Variants in SORCS3 observed in about 807,000 individuals in gnomAD.
SORCS3 encodes the protein VPS10 domain-containing receptor SorCS3.
Under a neutral mutation model 146.3 loss-of-function variants are expected in SORCS3, and 57 were observed. The observed-to-expected ratio is 0.39, with a 90% CI of 0.31 to 0.49. SORCS3 has a LOEUF of 0.49. Among genes scored for constraint, SORCS3 ranks in the 20% least tolerant of loss-of-function variants. The pLI is 0.92. For missense variants in SORCS3, 1,341 were observed against 1,575.5 expected (o/e 0.85, Z 2.52); for synonymous variants, 653 against 618.5 (o/e 1.06, Z -0.83).
At chr10:104,894,588 C>T (rs958775675) in intron 2 of SORCS3, among the ~76,000 whole-genome samples, 10 of 152,244 alleles carry the variant, frequency 6.6e-5, no homozygotes, top group Non-Finnish European at 1.3e-4. Context: ...TGGCAGGCAG[C>T]TGATCATGTT....
intron 1 of SORCS3, among the ~76,000 whole-genome samples, chr10:104,823,574 C>A (rs371548568): frequency 1.3e-5 from 2 of 152,172 alleles, no homozygotes; most frequent in East Asian, 3.9e-4. Context: ...TTCATCTTCA[C>A]TGATCCACCC....
intron 5 of SORCS3, among the ~76,000 whole-genome samples, chr10:105,049,192 T>C (rs528202085): frequency 7.5e-4 from 114 of 152,248 alleles, no homozygotes; most frequent in African/African-American, 2.0e-3. Flanking sequence ...AGCTTTTTAC[T>C]GAACCTTTTC....
intron 1 of SORCS3, among the ~76,000 whole-genome samples, chr10:104,799,523 A>G (rs1258242476): frequency 1.3e-5 from 2 of 151,952 alleles, no homozygotes; most frequent in African/African-American, 4.8e-5. Flanking sequence ...GGAGGGGAAC[A>G]TCACACACCA....
At chr10:105,251,377 C>G (rs7078768) in intron 22 of SORCS3, among the ~76,000 whole-genome samples, 33,985 of 152,012 alleles carry the variant, frequency 0.22, 3,836 homozygotes, top group South Asian at 0.3. Context: ...CCTGGGGATT[C>G]TGGGGATTAC....
chr10:104,772,577 T>C (rs2017264257), intron 1 of SORCS3, among the ~76,000 whole-genome samples: 1 of 152,226 alleles, frequency 6.6e-6, no homozygotes, highest in Non-Finnish European at 1.5e-5. Flanking sequence ...GATTCACTTA[T>C]TGTCTCACAT....
At chr10:105,191,962 G>A (rs2056519751) in intron 14 of SORCS3, among the ~76,000 whole-genome samples, 1 of 152,114 alleles carries the variant, frequency 6.6e-6, no homozygotes, top group Non-Finnish European at 1.5e-5. Flanking sequence ...TCAAAGAGCT[G>A]ATTATCATTG....
chr10:105,028,812 T>G (rs1417412344), intron 4 of SORCS3, among the ~76,000 whole-genome samples: 1 of 152,096 alleles, frequency 6.6e-6, no homozygotes, highest in Non-Finnish European at 1.5e-5. Flanking sequence ...GTGTTAGAGG[T>G]CAAAGAGATG....
intron 1 of SORCS3, among the ~76,000 whole-genome samples, chr10:104,813,090 C>T (rs2017757519): frequency 6.6e-6 from 1 of 152,186 alleles, no homozygotes; most frequent in Non-Finnish European, 1.5e-5. Flanking sequence ...TTTTCAACTT[C>T]ATCTCAGATT....
intron 1 of SORCS3, among the ~76,000 whole-genome samples, chr10:104,696,153 T>TATATACACATATAATAATATATATC (rs2016182116): frequency 1.1e-5 from 1 of 89,106 alleles, no homozygotes; most frequent in African/African-American, 4.6e-5. Context: ...ATATATAATA[T>TATATACACATATAATAATATATATC]ATATACACAT....
intron 2 of SORCS3, among the ~76,000 whole-genome samples, chr10:104,878,462 CAAG>C (rs1564704211): frequency 6.6e-6 from 1 of 152,056 alleles, no homozygotes; most frequent in Non-Finnish European, 1.5e-5. Context: ...ACTTGATGTT[CAAG>C]AAGATTTACT....
chr10:104,956,138 T>C (rs1391966057), intron 3 of SORCS3, among the ~76,000 whole-genome samples: 1 of 152,206 alleles, frequency 6.6e-6, no homozygotes. Context: ...ATTTAGGTGA[T>C]TCCTTTCAGG....
chr10:104,751,946 T>TATATAA (rs1247993381), intron 1 of SORCS3, among the ~76,000 whole-genome samples: 1 of 114,996 alleles, frequency 8.7e-6, no homozygotes, highest in Non-Finnish European at 1.7e-5. Flanking sequence ...TATATATATA[T>TATATAA]ATATATATAT....
chr10:104,950,416 T>G (rs7096635), intron 3 of SORCS3, among the ~76,000 whole-genome samples: 4 of 151,892 alleles, frequency 2.6e-5, no homozygotes, highest in Non-Finnish European at 5.9e-5. Flanking sequence ...TCTCTGAAAA[T>G]TGTGGTTAAT....
chr10:105,167,066 CAGTT>C (rs1322547632), intron 12 of SORCS3, among the ~76,000 whole-genome samples, 188 bp from the exon 13 acceptor site: 4 of 152,098 alleles, frequency 2.6e-5, no homozygotes, highest in Non-Finnish European at 5.9e-5. Flanking sequence ...GGCCTAGGGA[CAGTT>C]ATTTGTTTTC....
intron 1 of SORCS3, among the ~76,000 whole-genome samples, chr10:104,808,242 T>A (rs1343762706): frequency 3.3e-5 from 5 of 152,190 alleles, no homozygotes; most frequent in Admixed American, 3.3e-4. Context: ...TCAGAGTGGA[T>A]CTTCATTTAT....
At chr10:105,259,734 A>G (rs2056950054) in intron 25 of SORCS3, among the ~76,000 whole-genome samples, 1 of 152,250 alleles carries the variant, frequency 6.6e-6, no homozygotes, top group South Asian at 2.1e-4. Flanking sequence ...CTGTTTTTTT[A>G]GGAGGGCTTT....
At chr10:104,914,206 A>T (rs1456370548) in intron 2 of SORCS3, among the ~76,000 whole-genome samples, 1 of 152,154 alleles carries the variant, frequency 6.6e-6, no homozygotes, top group African/African-American at 2.4e-5. Flanking sequence ...TCCTCTTATG[A>T]AGGGAGTTTT....
At chr10:104,649,652 C>T (rs912325185) in intron 1 of SORCS3, among the ~76,000 whole-genome samples, 1 of 152,144 alleles carries the variant, frequency 6.6e-6, no homozygotes, top group South Asian at 2.1e-4. Flanking sequence ...CCATGTCTAT[C>T]TTTTATGTCG....
intron 1 of SORCS3, among the ~76,000 whole-genome samples, chr10:104,805,167 G>T (rs758893287): frequency 3.9e-5 from 6 of 152,206 alleles, no homozygotes; most frequent in Non-Finnish European, 7.3e-5. Flanking sequence ...GAAGGAAGGA[G>T]ACATGTACAC....
Sources: gnomAD v4.1 joint callset for allele counts (sites outside exome capture counted in the v4.1 genomes callset) on GRCh38, gnomAD v4.1.1 for gene constraint, MANE v1.5 for transcripts, NCBI Gene and HGNC (gene_info 2026-07-23, HGNC 2026-07-21) for gene names.